Variants in HTT observed in about 807,000 individuals in gnomAD.
HTT encodes the protein huntington disease protein.
A neutral mutation model predicts 362.3 loss-of-function variants in HTT; 104 were observed. The ratio of observed to expected loss-of-function variants is 0.29; its 90% CI spans 0.24 to 0.34. The LOEUF (loss-of-function observed/expected upper bound fraction) is 0.34, where lower values mean the gene tolerates loss of function less well. Ranked by LOEUF, HTT falls within the 10% of genes least tolerant of loss-of-function variation. The pLI, the probability that HTT is intolerant of heterozygous loss-of-function variation, is 1.00. For missense variants in HTT, 3,301 were observed against 3,928.6 expected, an observed-to-expected ratio of 0.84 and a Z score of 4.27; for synonymous variants, 1,577 against 1,548.7, an observed-to-expected ratio of 1.02 and a Z score of -0.43.
intron 12 of HTT, chr4:3,128,824 C>T (rs1454339157): frequency 6.6e-6 from 1 of 152,172 alleles, no homozygotes; most frequent in Non-Finnish European, 1.5e-5. Flanking sequence ...ATACAGTTCG[C>T]TGGTATTAAA....
chr4:3,129,867 G>A, intron 12 of HTT, 57 bp from the exon 13 acceptor site: 2 of 1,609,962 alleles, frequency 1.2e-6, no homozygotes, highest in Non-Finnish European at 8.5e-7. Flanking sequence ...ATGTTGGAGG[G>A]CTTGTCTCTT....
rs377400054 is a variant in HTT, at chr4:3,140,618, G to T, written c.2907G>T (p.Thr969=). The T allele has an allele frequency of 3.7e-6, 6 of 1,613,960 alleles. No individual in the cohort carries two copies. The highest frequency in any genetic ancestry group is 5.1e-6 in the Non-Finnish European group (6 of 1,179,940). The change falls in exon 22 of 67, where the codon ACG becomes ACT. Residue 969 remains threonine, a synonymous_variant. Transcript: ENST00000355072. ...SVYLKLLMHE[T]QPPSHFSVST... ...ACCTGAAACTTCTCATGCATGAGAC[G>T]CAGCCTCCATCTCATTTCTCCGTCA...
intron 29 of HTT, among the ~76,000 whole-genome samples, 185 bp from the exon 30 acceptor site, chr4:3,172,135 A>G (rs971324306): frequency 4.6e-5 from 7 of 152,272 alleles, no homozygotes; most frequent in African/African-American, 1.7e-4. Flanking sequence ...TGTAATGTAT[A>G]TAACTTGGAT....
intron 40 of HTT, among the ~76,000 whole-genome samples, chr4:3,198,352 A>C (rs2298971): frequency 1.3e-5 from 2 of 150,908 alleles, no homozygotes; most frequent in African/African-American, 2.4e-5. Flanking sequence ...CGCCTCCCAA[A>C]TACCTGGGAT....
chr4:3,079,914 C>T (rs1560537899), intron 1 of HTT, among the ~76,000 whole-genome samples: 2 of 152,176 alleles, frequency 1.3e-5, no homozygotes, highest in Admixed American at 6.5e-5. Context: ...GAACCAACTG[C>T]ACTTGTTGAA....
intron 7 of HTT, among the ~76,000 whole-genome samples, 194 bp downstream of exon 7, chr4:3,115,639 G>A (rs2110171795): frequency 6.6e-6 from 1 of 152,340 alleles, no homozygotes; most frequent in Non-Finnish European, 1.5e-5. Context: ...CGTGCCCAGG[G>A]ACTGGGCAGT....
chr4:3,094,770 C>T (rs1339534316), intron 2 of HTT, among the ~76,000 whole-genome samples: 1 of 146,770 alleles, frequency 6.8e-6, no homozygotes, highest in African/African-American at 2.5e-5. Context: ...ACTTCCCGGA[C>T]GGGGCGGCTG....
At chr4:3,236,768 C>T (rs895617961) in intron 64 of HTT, among the ~76,000 whole-genome samples, 2 of 152,158 alleles carry the variant, frequency 1.3e-5, no homozygotes, top group East Asian at 1.9e-4. Flanking sequence ...CCCCCCACCA[C>T]CCCCCACTGC....
At position 3,228,946 on chromosome 4, in the gene HTT, G is replaced by C; in HGVS notation, c.8046G>C (p.Trp2682Cys). 6.2e-7 allele frequency: 1 copy of C among 1,613,792 alleles called. No homozygotes were observed. Among genetic ancestry groups the C allele is most frequent in the Non-Finnish European group, 8.5e-7 (1 of 1,179,834 alleles). ...SQFLLELYSR[W>C]ILPSSSARRT... ...TTTTGCTTGAGTTGTACAGCCGCTG[G>C]ATCCTGCCGTCCAGCTCAGCCAGGA... The change falls in exon 59 of 67, where the codon TGG (tryptophan) becomes TGC (cysteine). Residue 2682 changes from tryptophan (W) to cysteine (C), a missense_variant. By Grantham distance (215) the Trp-to-Cys change is radical (BLOSUM62 -2). Around this residue, in one of 4 missense-constraint regions of HTT, gnomAD observed 753 missense variants for 1,021.3 expected, o/e 0.74. Coordinates refer to ENST00000355072, the MANE Select transcript of HTT (RefSeq NM_001388492.1). This position sits in a 1 kb window ranked among gnomAD's most constrained non-coding sequence, Gnocchi z 4.3.
intron 12 of HTT, chr4:3,129,024 A>G (rs1310246444): frequency 6.6e-6 from 1 of 152,196 alleles, no homozygotes; most frequent in African/African-American, 2.4e-5. Context: ...GGAGTCACAC[A>G]GTATTTGTTT....
chr4:3,090,768 T>A (rs1457996489), intron 2 of HTT, among the ~76,000 whole-genome samples: 1 of 152,238 alleles, frequency 6.6e-6, no homozygotes, highest in East Asian at 1.9e-4. Flanking sequence ...AGAGGTATTT[T>A]TGAACTTGTT....
intron 9 of HTT, 119 bp downstream of exon 9, chr4:3,121,551 T>G: frequency 1.5e-6 from 1 of 668,762 alleles, no homozygotes. Flanking sequence ...TTGCCAAAAC[T>G]TATAATACAA....
Position 3,209,761 on chromosome 4 carries a change from C to G in HTT, c.6292-66C>G, listed in dbSNP as rs1720057183. ...CAAGCACTGGCCTAGGCCTGTAGCT[C>G]CAGGGATGTGAAGTCCCCTTGAACG... On this transcript the variant is annotated intron_variant, in intron 46 of 66. Coordinates refer to ENST00000355072, the MANE Select transcript of HTT (RefSeq NM_001388492.1). 6.9e-6 allele frequency: 11 copies of G among 1,594,658 alleles called. No individual in the cohort carries two copies. In the South Asian group the frequency reaches 1.1e-4, roughly 16 times the overall value.
At chr4:3,084,295 C>G (rs1378648162) in intron 1 of HTT, among the ~76,000 whole-genome samples, 2 of 149,400 alleles carry the variant, frequency 1.3e-5, no homozygotes, top group Non-Finnish European at 3.0e-5. Flanking sequence ...ACCTCTGCCT[C>G]CTGGGTTCAA....
intron 37 of HTT, among the ~76,000 whole-genome samples, chr4:3,186,252 G>T (rs550219325): frequency 6.6e-6 from 1 of 152,144 alleles, no homozygotes; most frequent in Non-Finnish European, 1.5e-5. Flanking sequence ...AGGGACGCTT[G>T]GAAGACTGGT....
intron 29 of HTT, among the ~76,000 whole-genome samples, chr4:3,171,519 A>G (rs1473479121): frequency 6.8e-6 from 1 of 147,244 alleles, no homozygotes; most frequent in Non-Finnish European, 1.5e-5. Flanking sequence ...TTGCCCAGGT[A>G]ACAACTCCAG....
intron 1 of HTT, among the ~76,000 whole-genome samples, chr4:3,083,213 A>G (rs1713008570): frequency 6.6e-6 from 1 of 152,132 alleles, no homozygotes; most frequent in Admixed American, 6.6e-5. Flanking sequence ...CAAGTAGTTT[A>G]ATTTATGTTT....
intron 16 of HTT, 103 bp from the exon 17 acceptor site, chr4:3,132,459 T>C: frequency 1.1e-6 from 1 of 941,092 alleles, no homozygotes; most frequent in Non-Finnish European, 1.6e-6. Flanking sequence ...TTGGATCTTC[T>C]CTTCACACCT....
At chr4:3,193,026 G>A (rs1719080380) in intron 40 of HTT, among the ~76,000 whole-genome samples, 1 of 152,258 alleles carries the variant, frequency 6.6e-6, no homozygotes, top group Admixed American at 6.5e-5. Flanking sequence ...GGCAGGCAGA[G>A]GCAGGATTTC....
Sources: gnomAD v4.1 joint callset for allele counts (sites outside exome capture counted in the v4.1 genomes callset) on GRCh38, gnomAD v4.1.1 for gene constraint, gnomAD v4.1.1 regional missense constraint, Gnocchi (gnomAD v3.1) non-coding constraint, MANE v1.5 for transcripts, NCBI Gene and HGNC (gene_info 2026-07-23, HGNC 2026-07-21) for gene names.